CDK6: variants seen among roughly 807,000 people sequenced by gnomAD.
CDK6 encodes cyclin-dependent kinase 6.
A neutral mutation model predicts 37.1 loss-of-function variants in CDK6; 6 were observed. That is an observed-to-expected ratio of 0.16 (90% confidence interval 0.09 to 0.32). The LOEUF is 0.32. Among genes scored for constraint, CDK6 ranks in the 10% least tolerant of loss-of-function variants. The pLI, the probability that CDK6 is intolerant of heterozygous loss-of-function variation, is 1.00. For synonymous variants in CDK6, 160 were observed against 161.3 expected, an observed-to-expected ratio of 0.99 and a Z score of 0.06; for missense variants, 224 against 418.9, an observed-to-expected ratio of 0.53 and a Z score of 4.06.
chr7:92,614,948 C>T lies in CDK6; in HGVS notation c.*192G>A, dbSNP rs773962925. ...AAACAAACAAATGAACATAAAGCTG[C>T]AATCACTCTTGCATTGATTTCAAAA... On this transcript the variant is annotated 3_prime_UTR_variant, in exon 8 of 8. Transcript: ENST00000424848. 6.8e-5 allele frequency: 33 copies of T among 487,922 alleles called. No individual in the cohort carries two copies. The highest frequency in any genetic ancestry group is 1.1e-4 in the Non-Finnish European group (31 of 274,956). The allele number at this position is 487,922 out of a possible 1,614,324, so 30.2% of individuals were successfully genotyped here. A position where few individuals can be genotyped will look rare whatever the true frequency, so the allele number is the denominator to read the frequency against.
intron 3 of CDK6, among the ~76,000 whole-genome samples, chr7:92,768,535 TAC>T (rs1224836535): frequency 2.0e-5 from 3 of 152,232 alleles, no homozygotes; most frequent in Non-Finnish European, 2.9e-5. Context: ...TTGCATCAAA[TAC>T]CAGGAGAGAT....
At chr7:92,672,495 T>C (rs1029651805) in intron 4 of CDK6, among the ~76,000 whole-genome samples, 5 of 151,874 alleles carry the variant, frequency 3.3e-5, no homozygotes, top group African/African-American at 1.2e-4. Flanking sequence ...ACTCATTTAA[T>C]ACAGAGCAGC....
chr7:92,627,396 C>CCAAAAAT (rs1795951941), intron 5 of CDK6, among the ~76,000 whole-genome samples: 1 of 151,956 alleles, frequency 6.6e-6, no homozygotes, highest in Admixed American at 6.6e-5. Flanking sequence ...GAACTGGGGC[C>CCAAAAAT]TTTGGGAGGT....
Position 92,614,696 on chromosome 7 carries a change from TACACAC to T in CDK6, c.*438_*443del, listed in dbSNP as rs10552976. The T allele has an allele frequency of 0.075, 17,111 of 228,258 alleles. 822 individuals are homozygous for T. Among genetic ancestry groups the T allele is most frequent in the African/African-American group, 0.18 (7,946 of 43,998 alleles). 14.1% of individuals were successfully genotyped at this position (228,258 alleles called of 1,614,324 possible). A position where few individuals can be genotyped will look rare whatever the true frequency, so the allele number is the denominator to read the frequency against. On this transcript the variant is annotated 3_prime_UTR_variant, in exon 8 of 8. Coordinates refer to ENST00000424848, the MANE Select transcript of CDK6 (RefSeq NM_001145306.2). ...TTAAAAGATCACAGAATCTCTCACA[TACACAC>T]ACACACACACACACACACACACACA...
chr7:92,780,245 T>A (rs1172203198), intron 2 of CDK6, among the ~76,000 whole-genome samples: 1 of 152,216 alleles, frequency 6.6e-6, no homozygotes, highest in Non-Finnish European at 1.5e-5. Context: ...GTGCTGGGAT[T>A]ACAGGCGTGA....
Position 92,615,112 on chromosome 7 carries a change from G to T in CDK6, c.*28C>A, listed in dbSNP as rs2116476128. 1 of 1,612,350 alleles carries T rather than the reference G, an allele frequency of 6.2e-7. No individual in the cohort carries two copies. Among genetic ancestry groups the T allele is most frequent in the Non-Finnish European group, 8.5e-7 (1 of 1,179,630 alleles). Reference sequence around the variant, plus strand: ...TAAGCCACCAAGGGTGTTCTCCGCAGGATCAGCTTAAGGCGGCTGCTGAGG... The same window carrying T: ...TAAGCCACCAAGGGTGTTCTCCGCATGATCAGCTTAAGGCGGCTGCTGAGG... On this transcript the variant is annotated 3_prime_UTR_variant, in exon 8 of 8. Coordinates refer to ENST00000424848, the MANE Select transcript of CDK6 (RefSeq NM_001145306.2).
chr7:92,836,502 C>G lies in CDK6; in HGVS notation c.-392G>C, dbSNP rs1325170585. On this transcript the variant is annotated 5_prime_UTR_variant, in exon 1 of 8. Coordinates refer to ENST00000424848, the MANE Select transcript of CDK6 (RefSeq NM_001145306.2). ...CCTGAGGGGCCCAGTCGCGTCGGGC[C>G]TCCCGAGGGGGCTGCGAGTGTCAGT... 6.6e-6 allele frequency: 1 copy of G among 152,010 alleles called. No homozygotes were observed. Among genetic ancestry groups the G allele is most frequent in the Non-Finnish European group, 1.5e-5 (1 of 67,974 alleles). 9.4% of individuals were successfully genotyped at this position (152,010 alleles called of 1,614,324 possible). A position where few individuals can be genotyped will look rare whatever the true frequency, so the allele number is the denominator to read the frequency against.
intron 5 of CDK6, among the ~76,000 whole-genome samples, chr7:92,636,619 A>G (rs1451459111): frequency 6.6e-6 from 1 of 152,214 alleles, no homozygotes; most frequent in Non-Finnish European, 1.5e-5. Context: ...ATGTACAGGA[A>G]TAAATAATTA....
At chr7:92,696,426 A>G (rs181425999) in intron 4 of CDK6, among the ~76,000 whole-genome samples, 352 of 152,254 alleles carry the variant, frequency 2.3e-3, no homozygotes, top group African/African-American at 8.0e-3. Context: ...AAGAATTAAT[A>G]ATCTTTTATT....
chr7:92,694,927 C>T (rs904862124), intron 4 of CDK6, among the ~76,000 whole-genome samples: 4 of 151,878 alleles, frequency 2.6e-5, no homozygotes, highest in Admixed American at 6.6e-5. Context: ...TTAGAAATTA[C>T]CAAAGAGAAA....
At chr7:92,686,796 T>A (rs1193222836) in intron 4 of CDK6, among the ~76,000 whole-genome samples, 1 of 152,170 alleles carries the variant, frequency 6.6e-6, no homozygotes, top group Non-Finnish European at 1.5e-5. Context: ...ATCCATTTTT[T>A]TTTTTATTAT....
At chr7:92,734,804 A>G (rs889456190) in intron 3 of CDK6, among the ~76,000 whole-genome samples, 2 of 152,218 alleles carry the variant, frequency 1.3e-5, no homozygotes, top group African/African-American at 2.4e-5. Flanking sequence ...AAACATGTTC[A>G]TATGTGTTGA....
intron 4 of CDK6, among the ~76,000 whole-genome samples, chr7:92,675,332 G>T (rs1585389747): frequency 6.6e-6 from 1 of 152,288 alleles, no homozygotes; most frequent in East Asian, 1.9e-4. Context: ...AATGTAGAAT[G>T]AATTTTTATC....
intron 2 of CDK6, among the ~76,000 whole-genome samples, chr7:92,831,616 T>C (rs981639049): frequency 6.6e-6 from 1 of 152,232 alleles, no homozygotes; most frequent in Non-Finnish European, 1.5e-5. Context: ...AAAAAAGTCA[T>C]CTATAGGTTT....
chr7:92,822,786 C>A (rs1266108172), intron 2 of CDK6, among the ~76,000 whole-genome samples: 1 of 152,088 alleles, frequency 6.6e-6, no homozygotes, highest in Non-Finnish European at 1.5e-5. Flanking sequence ...GAATGATAAT[C>A]TGAGTTTACT....
chr7:92,814,703 A>C (rs376484629), intron 2 of CDK6, among the ~76,000 whole-genome samples: 68 of 152,174 alleles, frequency 4.5e-4, no homozygotes, highest in African/African-American at 1.5e-3. Context: ...TAATTACAAA[A>C]GGGCGTCCCA....
chr7:92,768,965 C>T (rs1343877222), intron 3 of CDK6, among the ~76,000 whole-genome samples: 1 of 152,066 alleles, frequency 6.6e-6, no homozygotes, highest in African/African-American at 2.4e-5. Context: ...TCCTCATCTG[C>T]AGTACAGGGA....
At chr7:92,789,255 G>GA (rs1452021891) in intron 2 of CDK6, among the ~76,000 whole-genome samples, 15 of 152,282 alleles carry the variant, frequency 9.9e-5, no homozygotes, top group African/African-American at 3.1e-4. Context: ...AGCTGAGGGA[G>GA]TTTTTTGCCA....
At chr7:92,714,440 C>G (rs576298260) in intron 4 of CDK6, among the ~76,000 whole-genome samples, 1 of 152,250 alleles carries the variant, frequency 6.6e-6, no homozygotes, top group Admixed American at 6.5e-5. Flanking sequence ...GAACAGTTGA[C>G]TGCTGCATTC....
Sources: allele counts gnomAD v4.1 joint callset (sites outside exome capture counted in the v4.1 genomes callset), GRCh38; gene constraint gnomAD v4.1.1; transcripts MANE v1.5; gene names NCBI Gene and HGNC (gene_info 2026-07-23, HGNC 2026-07-21).